Variants in XRN1 observed in about 807,000 individuals in gnomAD.
The protein encoded by XRN1 is 5'-3' exoribonuclease 1, also known as strand-exchange protein 1 homolog.
XRN1 carries 67 observed loss-of-function variants against 222.3 expected under a neutral mutation model. The observed-to-expected ratio is 0.30, with a 90% confidence interval of 0.25 to 0.37. XRN1 has a LOEUF of 0.37. XRN1 is among the 10% of genes least tolerant of loss of function. The pLI is 1.00. For synonymous variants in XRN1, 643 were observed against 652.4 expected (o/e 0.99, Z 0.22); for missense variants, 1,707 against 2,000.2 (o/e 0.85, Z 2.80).
At chr3:142,364,111 G>A (rs976697365) in intron 29 of XRN1, among the ~76,000 whole-genome samples, 1 of 152,166 alleles carries the variant, frequency 6.6e-6, no homozygotes, top group African/African-American at 2.4e-5. Context: ...ATCAGGTGAG[G>A]AAATAACACC....
At chr3:142,318,309 T>C (rs960308993) in intron 39 of XRN1, among the ~76,000 whole-genome samples, 2 of 118,698 alleles carry the variant, frequency 1.7e-5, no homozygotes, top group African/African-American at 2.7e-5. Context: ...AATTACATGA[T>C]TTTTTTTTTA....
At chr3:142,336,222 GA>G (rs1173747753) in intron 33 of XRN1, among the ~76,000 whole-genome samples, 1 of 152,094 alleles carries the variant, frequency 6.6e-6, no homozygotes, top group Non-Finnish European at 1.5e-5. Flanking sequence ...GACAGAATAT[GA>G]AGATGAAAAA....
At chr3:142,403,224 C>T (rs555739084) in intron 18 of XRN1, among the ~76,000 whole-genome samples, 2 of 152,250 alleles carry the variant, frequency 1.3e-5, no homozygotes, top group South Asian at 2.1e-4. Flanking sequence ...AAATATATCA[C>T]ATTTATTCTA....
intron 20 of XRN1, among the ~76,000 whole-genome samples, chr3:142,387,176 T>C (rs990315071): frequency 5.3e-5 from 8 of 152,306 alleles, no homozygotes; most frequent in East Asian, 3.9e-4. Context: ...ATATGGATAT[T>C]AGAATCACAA....
chr3:142,383,457 G>T (rs1167461730), intron 21 of XRN1, 44 bp from the exon 22 acceptor site: 1 of 1,510,730 alleles, frequency 6.6e-7, no homozygotes, highest in Admixed American at 1.8e-5. Flanking sequence ...AATTTCTATA[G>T]ATTGCGTATC....
chr3:142,380,156 T>A lies in XRN1; in HGVS notation c.2641A>T (p.Thr881Ser). Reference protein sequence around the residue: ...GEVQDSGDVITEGRIRVIFSI... With the variant: ...GEVQDSGDVISEGRIRVIFSI... ...AAAATCACACGAATCCTACCTTCTG[T>A]AATCACATCACCTGAATCCTGAACC... The change falls in exon 23 of 41, where the codon ACA (threonine) becomes TCA (serine). Residue 881 changes from threonine to serine, a missense_variant. Physicochemically the swap from Thr to Ser is moderately conservative, Grantham distance 58. Transcript: ENST00000392981. 6.2e-7 allele frequency: 1 copy of A among 1,613,948 alleles called. No individual in the cohort carries two copies. Among genetic ancestry groups the A allele is most frequent in the Non-Finnish European group, 8.5e-7 (1 of 1,179,920 alleles).
chr3:142,311,964 T>A, intron 40 of XRN1, 151 bp from the exon 41 acceptor site: 1 of 819,602 alleles, frequency 1.2e-6, no homozygotes, highest in Non-Finnish European at 1.8e-6. Flanking sequence ...ACTTTAGTAA[T>A]TCAAAGGACT....
rs528907414 is a variant in XRN1 at position 142,418,547 on chromosome 3, T to G, written c.1303A>C (p.Arg435=). The change falls in exon 12 of 41, where the codon AGA becomes CGA. Residue 435 remains arginine (R), a synonymous_variant. Transcript: ENST00000392981. ...LFETEFRQYK[R]TYYMTKMGVD... is the part of the protein sequence containing the mutation. ...CCCATCTTCGTCATGTAATATGTTC[T>G]TTTATATTGTCTAAACTCAGTTTCA... The G allele has an allele frequency of 6.2e-7, 1 of 1,612,216 alleles. No homozygotes were observed. Among genetic ancestry groups the G allele is most frequent in the South Asian group, 1.1e-5 (1 of 90,394 alleles).
At chr3:142,325,824 T>C (rs1279265892) in intron 37 of XRN1, among the ~76,000 whole-genome samples, 1 of 152,188 alleles carries the variant, frequency 6.6e-6, no homozygotes, top group African/African-American at 2.4e-5. Context: ...CTTTAATCCA[T>C]TTTGATTTGA....
intron 8 of XRN1, among the ~76,000 whole-genome samples, chr3:142,422,319 C>T (rs1389616340): frequency 1.3e-5 from 2 of 151,744 alleles, no homozygotes; most frequent in African/African-American, 2.4e-5. Context: ...AGCAAGACCC[C>T]GTCTCAAAAA....
At chr3:142,359,494 C>T (rs969220214) in intron 30 of XRN1, among the ~76,000 whole-genome samples, 4 of 152,272 alleles carry the variant, frequency 2.6e-5, no homozygotes, top group Admixed American at 2.0e-4. Context: ...ATTATTCCCC[C>T]CTTTTCTCCC....
At position 142,447,793 on chromosome 3, in the gene XRN1, G is replaced by A. The variant is rs918951010; in HGVS notation, c.75+77C>T. ...ACGAGGGGAAAGAGGTGGCTCGAAAGCCCCAGCTCTAAGGTGGAGAGGGCC... is the reference window on the plus strand; with the variant it reads ...ACGAGGGGAAAGAGGTGGCTCGAAAACCCCAGCTCTAAGGTGGAGAGGGCC... On this transcript the variant is annotated intron_variant, in intron 1 of 40. Transcript: ENST00000392981. The surrounding 1 kb of genome is among the most constrained non-coding windows in gnomAD (Gnocchi z 4.2). The A allele has an allele frequency of 5.9e-6, 9 of 1,523,192 alleles. No individual in the cohort carries two copies. In the Admixed American group the frequency reaches 1.4e-4, roughly 24 times the overall value. The allele number at this position is 1,523,192 out of a possible 1,614,324, so 94.4% of individuals were successfully genotyped here.
chr3:142,414,228 G>T lies in XRN1; in HGVS notation c.1500C>A (p.Ile500=). 6.2e-7 allele frequency: 1 copy of T among 1,613,744 alleles called. No individual in the cohort carries two copies. Among genetic ancestry groups the T allele is most frequent in the Admixed American group, 1.7e-5 (1 of 60,004 alleles). ...SDIHNISTLK[I]HFELGKPFKP... is the part of the protein sequence containing the mutation. ...TAAAAGGTTTTCCTAGTTCAAAATG[G>T]ATTTTGAGTGTACTGATGTTGTGTA... Residue 500 remains isoleucine, a synonymous_variant, in exon 14 of 41, where the codon ATC becomes ATA. Transcript: ENST00000392981.
chr3:142,371,377 C>A, intron 25 of XRN1, 49 bp from the exon 26 acceptor site: 1 of 1,352,232 alleles, frequency 7.4e-7, no homozygotes. Flanking sequence ...TGGTTAATTT[C>A]GGATAAACTT....
chr3:142,381,824 C>G (rs1417287550), intron 22 of XRN1, among the ~76,000 whole-genome samples: 1 of 151,990 alleles, frequency 6.6e-6, no homozygotes, highest in African/African-American at 2.4e-5. Context: ...TCTTGGCCTC[C>G]CAAAGTGCTG....
At chr3:142,348,554 C>G (rs754892131) in intron 32 of XRN1, among the ~76,000 whole-genome samples, 3 of 152,102 alleles carry the variant, frequency 2.0e-5, no homozygotes, top group African/African-American at 4.8e-5. Context: ...GTTGAAGCAA[C>G]AAGAAGCAGC....
At chr3:142,439,806 G>C (rs1177163498) in intron 1 of XRN1, among the ~76,000 whole-genome samples, 11 of 152,022 alleles carry the variant, frequency 7.2e-5, no homozygotes, top group Admixed American at 7.2e-4. Context: ...GACTTTGGAG[G>C]CTCTGGAAAA....
At chr3:142,313,288 AGTTT>A (rs879131062) in intron 39 of XRN1, 19 of 1,185,490 alleles carry the variant, frequency 1.6e-5, no homozygotes, top group East Asian at 1.2e-4. Context: ...TTTCACTTAC[AGTTT>A]GTTTATTAAA....
At chr3:142,332,270 A>T in intron 36 of XRN1, 105 bp downstream of exon 36, 1 of 942,936 alleles carries the variant, frequency 1.1e-6, no homozygotes, top group Non-Finnish European at 1.5e-6. Context: ...AAATAAATAC[A>T]TTAAAATAAA....
Sources: gnomAD v4.1 joint callset for allele counts (sites outside exome capture counted in the v4.1 genomes callset) on GRCh38, gnomAD v4.1.1 for gene constraint, Gnocchi (gnomAD v3.1) non-coding constraint, MANE v1.5 for transcripts, NCBI Gene and HGNC (gene_info 2026-07-23, HGNC 2026-07-21) for gene names.